The following RASA3 variants were observed in gnomAD, a reference collection of about 807,000 sequenced individuals.
RASA3 encodes ras GTPase-activating protein 3.
A neutral mutation model predicts 110.0 loss-of-function variants in RASA3; 73 were observed. The observed-to-expected ratio is 0.66, with a 90% CI of 0.55 to 0.81. RASA3 has a LOEUF of 0.81. Ranked by LOEUF, RASA3 falls within the 30% of genes least tolerant of loss-of-function variation. The pLI, the probability that RASA3 is intolerant of heterozygous loss-of-function variation, is 0.00. For missense variants in RASA3, 976 were observed against 1,113.2 expected (o/e 0.88, Z 1.75); for synonymous variants, 500 against 451.4 (o/e 1.11, Z -1.37).
chr13:114,089,037 G>T (rs909102984), intron 1 of RASA3, among the ~76,000 whole-genome samples: 1 of 152,164 alleles, frequency 6.6e-6, no homozygotes, highest in South Asian at 2.1e-4. Context: ...CTCCTCCCAG[G>T]GCAGCAGAGC....
At position 114,115,902 on chromosome 13, in the gene RASA3, C is replaced by T. The variant is rs1447787388; in HGVS notation, c.55+16533G>A. On this transcript the variant is annotated intron_variant, in intron 1 of 23. Coordinates refer to ENST00000334062, the MANE Select transcript of RASA3 (RefSeq NM_007368.4). This position sits in a 1 kb window ranked among gnomAD's most constrained non-coding sequence, Gnocchi z 5.0. Reference sequence around the variant, plus strand: ...TTTACTTTCTGTCATAACCAGCAGGCTTAAAGAAGAAACCCAAACGCTCTG... The same window carrying T: ...TTTACTTTCTGTCATAACCAGCAGGTTTAAAGAAGAAACCCAAACGCTCTG... Among the ~76,000 whole-genome samples the T allele has an allele frequency of 1.3e-5, 2 of 152,234 alleles. No homozygotes were observed. The highest frequency in any genetic ancestry group is 2.9e-5 in the Non-Finnish European group (2 of 68,042).
intron 2 of RASA3, among the ~76,000 whole-genome samples, chr13:114,063,813 C>T (rs952929916): frequency 3.3e-5 from 5 of 152,170 alleles, no homozygotes; most frequent in African/African-American, 1.2e-4. Flanking sequence ...GGACCAGTGT[C>T]CACCCCCAGC....
At chr13:114,113,530 T>C (rs2139768534) in intron 1 of RASA3, among the ~76,000 whole-genome samples, 1 of 152,364 alleles carries the variant, frequency 6.6e-6, no homozygotes, top group East Asian at 1.9e-4. Context: ...CATCAGAGAC[T>C]GGCTGGCTCA....
At position 114,027,450 on chromosome 13, in the gene RASA3, T is replaced by C; in HGVS notation, c.542A>G (p.Lys181Arg). 1 of 1,612,130 alleles carries C rather than the reference T, an allele frequency of 6.2e-7. No individual in the cohort carries two copies. Among genetic ancestry groups the C allele is most frequent in the Non-Finnish European group, 8.5e-7 (1 of 1,178,252 alleles). Residue 181 changes from lysine to arginine, a missense_variant, in exon 7 of 24, where the codon AAG (lysine) becomes AGG (arginine). Lys to Arg is a conservative substitution (Grantham distance 26). This residue lies in a region of RASA3 where 732 missense variants were observed against 779.7 expected (regional missense o/e 0.94). Coordinates refer to ENST00000334062, the MANE Select transcript of RASA3 (RefSeq NM_007368.4). ...TLAGPFRSEA[K>R]KTKVKRKTNN... ...GGTCTTCCTCTTCACTTTCGTCTTC[T>C]TTGCTTCTGATCTGTTATCAAGTGA...
chr13:114,041,024 G>A lies in RASA3; in HGVS notation c.348C>T (p.His116=), dbSNP rs774200750. 1.7e-5 allele frequency: 28 copies of A among 1,613,672 alleles called. No individual in the cohort carries two copies. In the East Asian group the frequency reaches 4.5e-4, roughly 26 times the overall value. The change falls in exon 4 of 24, where the codon CAC becomes CAT. Residue 116 remains histidine (H), a synonymous_variant. Coordinates refer to ENST00000334062, the MANE Select transcript of RASA3 (RefSeq NM_007368.4). ...CCTGCACTTCCGAGTCAGCGTCCAC[G>A]TGCTGCAGCTGGAACCAGGTGTCCC... The part of the protein sequence containing the change: ...HNRDTWFQLQ[H]VDADSEVQGK...
chr13:113,989,407 A>C (rs1237498524), intron 22 of RASA3, among the ~76,000 whole-genome samples: 1 of 125,022 alleles, frequency 8.0e-6, no homozygotes, highest in South Asian at 2.7e-4. Context: ...TCCATCACTC[A>C]CCCATCCTTC....
At chr13:114,030,987 G>A (rs1487662895) in intron 4 of RASA3, among the ~76,000 whole-genome samples, 3 of 150,820 alleles carry the variant, frequency 2.0e-5, no homozygotes, top group South Asian at 4.2e-4. Flanking sequence ...CTGTGTGTCC[G>A]CCTGTGTGTG....
Position 114,018,811 on chromosome 13 carries a change from G to A in RASA3, c.894C>T (p.Asp298=), listed in dbSNP as rs557923709. The A allele has an allele frequency of 1.2e-6, 2 of 1,613,600 alleles. No individual in the cohort carries two copies. Among genetic ancestry groups the A allele is most frequent in the African/African-American group, 1.3e-5 (1 of 74,940 alleles). Residue 298 remains aspartate, a synonymous_variant, in exon 10 of 24, where the codon GAC becomes GAT. Coordinates refer to ENST00000334062, the MANE Select transcript of RASA3 (RefSeq NM_007368.4). The part of the protein sequence containing the change: ...VYTEDHVFSS[D]YYSPLRDLLL... ...GCAGGTCCCGCAGAGGGCTGTAATA[G>A]TCAGAAGAAAACACGTGGTCTTCCG... is the stretch of plus-strand genomic sequence containing the variant.
rs2079422132 is a variant in RASA3, at chr13:114,065,031, G to A, written c.173+8689C>T. ...GAAGAAGTGCAAATGAAGTTTCACA[G>A]AATCAAGCAAACTTTCACGGGGAAA... On this transcript the variant is annotated intron_variant, in intron 2 of 23. Transcript: ENST00000334062. This position sits in a 1 kb window ranked among gnomAD's most constrained non-coding sequence, Gnocchi z 4.1. 6.6e-6 allele frequency among the ~76,000 whole-genome samples: 1 copy of A among 152,258 alleles called. No individual in the cohort carries two copies. The highest frequency in any genetic ancestry group is 2.4e-5 in the African/African-American group (1 of 41,474).
Position 114,132,473 on chromosome 13 carries a change from T to C in RASA3, c.17A>G (p.Glu6Gly). The C allele has an allele frequency of 6.6e-7, 1 of 1,507,428 alleles. No homozygotes were observed. Among genetic ancestry groups the C allele is most frequent in the Non-Finnish European group, 8.8e-7 (1 of 1,134,140 alleles). 93.4% of individuals were successfully genotyped at this position (1,507,428 alleles called of 1,614,324 possible). A position where few individuals can be genotyped will look rare whatever the true frequency, so the allele number is the denominator to read the frequency against. The change falls in exon 1 of 24, where the codon GAG becomes GGG. Residue 6 changes from glutamate to glycine, a missense_variant. Transcript: ENST00000334062. ...CACGCTCTGGAAGACCCGGAGCCCC[T>C]CGTCCTCCACCGCCATGCTGCGCGT... MAVED[E>G]GLRVFQSVKI...
rs750187236 is a variant in RASA3 at position 114,056,268 on chromosome 13, T to C, written c.174-4113A>G. Among the ~76,000 whole-genome samples the C allele has an allele frequency of 1.9e-4, 29 of 152,086 alleles. No homozygotes were observed. Among genetic ancestry groups the C allele is most frequent in the Non-Finnish European group, 3.8e-4 (26 of 68,002 alleles). ...GTGAGTGTCTGGTGTGTGTCTGATGTGTGTCTGATGCATATTTGGTGCGTG... is the reference window on the plus strand; with the variant it reads ...GTGAGTGTCTGGTGTGTGTCTGATGCGTGTCTGATGCATATTTGGTGCGTG... On this transcript the variant is annotated intron_variant, in intron 2 of 23. Coordinates refer to ENST00000334062, the MANE Select transcript of RASA3 (RefSeq NM_007368.4). The surrounding 1 kb of genome is among the most constrained non-coding windows in gnomAD (Gnocchi z 5.7).
chr13:114,024,504 G>A, intron 7 of RASA3, 149 bp from the exon 8 acceptor site: 1 of 740,834 alleles, frequency 1.3e-6, no homozygotes, highest in Middle Eastern at 4.0e-4. Context: ...CGGGATTCGG[G>A]ATTCAGGCCT....
At chr13:114,031,294 G>A (rs914987235) in intron 4 of RASA3, among the ~76,000 whole-genome samples, 37 of 150,394 alleles carry the variant, frequency 2.5e-4, no homozygotes, top group African/African-American at 8.3e-4. Flanking sequence ...TCTGCCTGTC[G>A]GTGTCTGCCT....
intron 22 of RASA3, 142 bp downstream of exon 22, chr13:113,992,343 C>A: frequency 1.7e-6 from 1 of 571,432 alleles, no homozygotes; most frequent in Non-Finnish European, 3.1e-6. Context: ...TCGCATCCAT[C>A]CGTGCTACAA....
intron 1 of RASA3, among the ~76,000 whole-genome samples, chr13:114,100,118 A>C (rs2080036029): frequency 6.6e-6 from 1 of 150,782 alleles, no homozygotes; most frequent in East Asian, 2.0e-4. Context: ...ACACCTGAAC[A>C]CAGCAAGGCT....
intron 2 of RASA3, among the ~76,000 whole-genome samples, chr13:114,072,302 G>T (rs2079585297): frequency 6.6e-6 from 1 of 152,194 alleles, no homozygotes; most frequent in Admixed American, 6.5e-5. Context: ...AGAAACACAA[G>T]TTCTGGTTGT....
intron 8 of RASA3, among the ~76,000 whole-genome samples, chr13:114,023,328 G>T (rs1002606658): frequency 2.6e-5 from 4 of 152,128 alleles, no homozygotes; most frequent in African/African-American, 9.6e-5. Context: ...AACATCCCAG[G>T]CTCGGGGGCA....
At chr13:114,120,593 C>G (rs145452626) in intron 1 of RASA3, among the ~76,000 whole-genome samples, 1,988 of 140,734 alleles carry the variant, frequency 0.014, 238 homozygotes, top group Admixed American at 0.1. Flanking sequence ...TCCAGCCAGA[C>G]GTCGGTCAGG....
intron 1 of RASA3, among the ~76,000 whole-genome samples, chr13:114,129,837 T>C (rs1360907377): frequency 1.3e-5 from 2 of 152,162 alleles, no homozygotes; most frequent in African/African-American, 2.4e-5. Context: ...GGCAGACTCA[T>C]GGGCAAATCC....
Sources: allele counts gnomAD v4.1 joint callset (sites outside exome capture counted in the v4.1 genomes callset), GRCh38; gene constraint gnomAD v4.1.1; regional missense constraint gnomAD v4.1.1; non-coding constraint Gnocchi (gnomAD v3.1); transcripts MANE v1.5; gene names NCBI Gene and HGNC (gene_info 2026-07-23, HGNC 2026-07-21).